The following COL4A6 variants were observed in gnomAD, a reference collection of about 807,000 sequenced individuals.
COL4A6 encodes the protein collagen alpha-6(IV) chain.
In COL4A6, 59 loss-of-function variants were observed where a neutral mutation model predicts 126.7. The ratio of observed to expected loss-of-function variants is 0.47; its 90% CI spans 0.38 to 0.58. The LOEUF (loss-of-function observed/expected upper bound fraction) is 0.58, where lower values mean the gene tolerates loss of function less well. Ranked by LOEUF, COL4A6 falls within the 20% of genes least tolerant of loss-of-function variation. The probability of loss-of-function intolerance (pLI) is 0.00; values close to 1 mark genes in which losing one functional copy is unlikely to be tolerated. For missense variants in COL4A6, 1,285 were observed against 1,337.3 expected (o/e 0.96, Z 0.61); for synonymous variants, 547 against 496.6 (o/e 1.10, Z -1.35).
At chrX:108,288,847 C>T (rs190206784) in intron 3 of COL4A6, among the ~76,000 whole-genome samples, 35 of 110,785 alleles carry the variant, frequency 3.2e-4, no homozygotes, top group African/African-American at 1.1e-3. Flanking sequence ...TTTAACATTA[C>T]CAATAATTGG....
chrX:108,434,609 CAT>C (rs1236423400), intron 2 of COL4A6, among the ~76,000 whole-genome samples: 7 of 110,564 alleles, frequency 6.3e-5, no homozygotes, highest in Non-Finnish European at 1.3e-4. Flanking sequence ...TAGATAATAA[CAT>C]CTATTATCCC....
chrX:108,327,760 C>T (rs766172957), intron 2 of COL4A6, among the ~76,000 whole-genome samples: 58 of 109,319 alleles, frequency 5.3e-4, no homozygotes, highest in Admixed American at 1.2e-3. Context: ...ACATACTTGC[C>T]TAAACTTATT....
At chrX:108,175,523 A>T in intron 29 of COL4A6, 131 bp downstream of exon 29, 1 of 772,924 alleles carries the variant, frequency 1.3e-6, no homozygotes, top group Non-Finnish European at 1.9e-6. Flanking sequence ...AAAAGGACTT[A>T]ATTCAGAAGC....
intron 2 of COL4A6, among the ~76,000 whole-genome samples, chrX:108,379,242 C>T (rs915079716): frequency 3.6e-5 from 4 of 110,372 alleles, no homozygotes; most frequent in Non-Finnish European, 7.6e-5. Flanking sequence ...ATAGTCACTT[C>T]GTTAAATTCC....
intron 2 of COL4A6, among the ~76,000 whole-genome samples, chrX:108,318,073 G>A (rs1325035513): frequency 8.9e-6 from 1 of 111,842 alleles, no homozygotes; most frequent in South Asian, 3.8e-4. Context: ...TTCAATATAT[G>A]CAAATCAATA....
At chrX:108,283,543 A>T (rs1205178972) in intron 3 of COL4A6, among the ~76,000 whole-genome samples, 3 of 106,704 alleles carry the variant, frequency 2.8e-5, no homozygotes, top group Non-Finnish European at 5.8e-5. Context: ...CCTTAAGATG[A>T]ACATTCTCCT....
At chrX:108,376,856 CTA>C (rs2040445251) in intron 2 of COL4A6, among the ~76,000 whole-genome samples, 1 of 112,377 alleles carries the variant, frequency 8.9e-6, no homozygotes, top group African/African-American at 3.2e-5. Context: ...ATATTTAACT[CTA>C]TGTAAATTTG....
chrX:108,313,056 C>T (rs958071713), intron 2 of COL4A6, among the ~76,000 whole-genome samples: 4 of 112,807 alleles, frequency 3.5e-5, no homozygotes, highest in African/African-American at 1.3e-4. Context: ...TCCTTTGTCA[C>T]TGAGGAAAGT....
chrX:108,206,644 T>C (rs2035552172), intron 8 of COL4A6, 64 bp from the exon 9 acceptor site: 9 of 937,396 alleles, frequency 9.6e-6, no homozygotes, highest in Non-Finnish European at 1.4e-5. Context: ...AATGAAAATA[T>C]GTATGTCCAC....
Position 108,187,979 on chromosome X carries a change from C to T in COL4A6, c.1636G>A (p.Glu546Lys), listed in dbSNP as rs765808425. 2 of 1,201,992 alleles carry T rather than the reference C, an allele frequency of 1.7e-6. No individual in the cohort carries two copies. Among genetic ancestry groups the T allele is most frequent in the Non-Finnish European group, 2.2e-6 (2 of 890,298 alleles). ...CCTTGGATTGTACTGAGAATTGGTT[C>T]CCCCTTCTTTCCTTTGGGTCCTGAA... ...GPSGPKGKKGEPILSTIQGMP... is the reference protein window; with the variant it reads ...GPSGPKGKKGKPILSTIQGMP... Residue 546 changes from glutamate (E) to lysine (K), a missense_variant, in exon 22 of 45, where the codon GAA (glutamate) becomes AAA (lysine). Glu to Lys is a moderately conservative substitution (Grantham distance 56). Transcript: ENST00000334504.
At chrX:108,234,635 A>G (rs2036391662) in intron 3 of COL4A6, among the ~76,000 whole-genome samples, 1 of 112,163 alleles carries the variant, frequency 8.9e-6, no homozygotes, top group Non-Finnish European at 1.9e-5. Context: ...TCTCAATCCA[A>G]GTTAGAAAAG....
intron 2 of COL4A6, among the ~76,000 whole-genome samples, chrX:108,350,057 C>G (rs2039804331): frequency 9.0e-6 from 1 of 111,713 alleles, no homozygotes; most frequent in Non-Finnish European, 1.9e-5. Context: ...AGACTGCCCA[C>G]ATACCACTGA....
chrX:108,422,952 T>C (rs1179145028), intron 2 of COL4A6, among the ~76,000 whole-genome samples: 2 of 111,896 alleles, frequency 1.8e-5, no homozygotes, highest in African/African-American at 6.5e-5. Context: ...AGTTTAAGGA[T>C]TGCAGCTGCA....
chrX:108,371,523 A>C (rs2346074), intron 2 of COL4A6, among the ~76,000 whole-genome samples: 25,411 of 102,519 alleles, frequency 0.25, 2,903 homozygotes, highest in East Asian at 0.57. Flanking sequence ...CACTTGAGTG[A>C]GACCAGGAGT....
chrX:108,187,982 C>T lies in COL4A6; in HGVS notation c.1633G>A (p.Gly545Arg), dbSNP rs2034923801. The change falls in exon 22 of 45, where the codon GGG becomes AGG. Residue 545 changes from glycine to arginine, a missense_variant. Gly to Arg is a moderately radical substitution (Grantham distance 125). Coordinates refer to ENST00000334504, the MANE Select transcript of COL4A6 (RefSeq NM_033641.4). The stretch of plus-strand genomic sequence containing the variant: ...TGGATTGTACTGAGAATTGGTTCCC[C>T]CTTCTTTCCTTTGGGTCCTGAAGGA... Reference protein sequence around the residue: ...LGPSGPKGKKGEPILSTIQGM... With the variant: ...LGPSGPKGKKREPILSTIQGM... The T allele has an allele frequency of 8.3e-7, 1 of 1,201,286 alleles. No homozygotes were observed. The highest frequency in any genetic ancestry group is 1.1e-6 in the Non-Finnish European group (1 of 889,905).
At chrX:108,224,664 A>G (rs1245268379) in intron 3 of COL4A6, among the ~76,000 whole-genome samples, 1 of 111,944 alleles carries the variant, frequency 8.9e-6, no homozygotes, top group Non-Finnish European at 1.9e-5. Flanking sequence ...TGAGAAAAAA[A>G]AGAGGCAGAC....
intron 31 of COL4A6, among the ~76,000 whole-genome samples, chrX:108,173,900 G>A (rs1309645949): frequency 3.6e-5 from 4 of 112,537 alleles, no homozygotes; most frequent in Non-Finnish European, 5.6e-5. Context: ...TTTGCTAGTC[G>A]TTGCACCTTG....
At chrX:108,389,674 C>G (rs1023352397) in intron 2 of COL4A6, among the ~76,000 whole-genome samples, 2 of 111,180 alleles carry the variant, frequency 1.8e-5, no homozygotes, top group East Asian at 5.6e-4. Flanking sequence ...GGTCTTGACT[C>G]TTTATCCAAT....
At chrX:108,401,928 G>C (rs1189623735) in intron 2 of COL4A6, among the ~76,000 whole-genome samples, 2 of 111,356 alleles carry the variant, frequency 1.8e-5, no homozygotes, top group Non-Finnish European at 3.8e-5. Context: ...ATGTCTTAAT[G>C]TTAAAACCAC....
Sources: gnomAD v4.1 joint callset for allele counts (sites outside exome capture counted in the v4.1 genomes callset) on GRCh38, gnomAD v4.1.1 for gene constraint, MANE v1.5 for transcripts, NCBI Gene and HGNC (gene_info 2026-07-23, HGNC 2026-07-21) for gene names.